CNTN4: variants seen among roughly 807,000 people sequenced by gnomAD.
CNTN4 encodes contactin-4.
CNTN4 carries 77 observed loss-of-function variants against 122.5 expected under a neutral mutation model. The observed-to-expected ratio is 0.63, with a 90% confidence interval of 0.52 to 0.76. The LOEUF is 0.76. Among genes scored for constraint, CNTN4 ranks in the 30% least tolerant of loss-of-function variants. The pLI, the probability that CNTN4 is intolerant of heterozygous loss-of-function variation, is 0.00. For synonymous variants in CNTN4, 512 were observed against 447.0 expected (o/e 1.15, Z -1.83); for missense variants, 1,256 against 1,259.1 (o/e 1.00, Z 0.04).
At chr3:2,202,835 T>TC (rs1242047238) in intron 2 of CNTN4, among the ~76,000 whole-genome samples, 2 of 151,958 alleles carry the variant, frequency 1.3e-5, no homozygotes, top group African/African-American at 4.8e-5. Flanking sequence ...ATTTTTTTTT[T>TC]CTTTTTGAGA....
In CNTN4 at chr3:2,709,338, G is replaced by C. The variant is rs570949765; in HGVS notation, c.56-26877G>C. On this transcript the variant is annotated intron_variant, in intron 4 of 24. Transcript: ENST00000418658. This position sits in a 1 kb window ranked among gnomAD's most constrained non-coding sequence, Gnocchi z 5.0. Reference sequence around the variant, plus strand: ...CTTGGCTGCATATTAGAATCATCTGGGGGTCCTTAAAAAATACTGATGCGT... The same window carrying C: ...CTTGGCTGCATATTAGAATCATCTGCGGGTCCTTAAAAAATACTGATGCGT... 6.6e-6 allele frequency among the ~76,000 whole-genome samples: 1 copy of C among 151,966 alleles called. No homozygotes were observed. The highest frequency in any genetic ancestry group is 2.4e-5 in the African/African-American group (1 of 41,360).
intron 3 of CNTN4, among the ~76,000 whole-genome samples, chr3:2,373,743 CAGAT>C (rs1204584460): frequency 6.6e-6 from 1 of 152,074 alleles, no homozygotes. Context: ...CATATTTGGA[CAGAT>C]AGATACTGTG....
intron 15 of CNTN4, among the ~76,000 whole-genome samples, chr3:3,027,852 A>G (rs17657167): frequency 0.07 from 10,712 of 152,260 alleles, 550 homozygotes; most frequent in Admixed American, 0.1. Context: ...TAATGAAGTC[A>G]AACACTGATG....
chr3:2,775,884 A>G (rs747421640), intron 6 of CNTN4, among the ~76,000 whole-genome samples: 8 of 152,206 alleles, frequency 5.3e-5, no homozygotes, highest in South Asian at 4.1e-4. Context: ...ATTCGGTGCT[A>G]TAATACCAAC....
At chr3:2,682,624 T>C (rs529979130) in intron 4 of CNTN4, among the ~76,000 whole-genome samples, 1 of 152,028 alleles carries the variant, frequency 6.6e-6, no homozygotes, top group Non-Finnish European at 1.5e-5. Flanking sequence ...AAAGTATATA[T>C]AGAAAATGGA....
At chr3:2,424,324 T>C (rs925050818) in intron 3 of CNTN4, among the ~76,000 whole-genome samples, 1 of 151,512 alleles carries the variant, frequency 6.6e-6, no homozygotes, top group African/African-American at 2.4e-5. Context: ...TGTTTGTTTT[T>C]TTGTCCTTGT....
intron 3 of CNTN4, among the ~76,000 whole-genome samples, chr3:2,435,049 A>G (rs2048211754): frequency 6.6e-6 from 1 of 152,186 alleles, no homozygotes; most frequent in Non-Finnish European, 1.5e-5. Context: ...AAATATGTGA[A>G]GCAGAGAGTT....
At chr3:2,790,558 T>C (rs531870153) in intron 6 of CNTN4, among the ~76,000 whole-genome samples, 1 of 152,290 alleles carries the variant, frequency 6.6e-6, no homozygotes, top group African/African-American at 2.4e-5. Context: ...TGCTGTGCAG[T>C]GTTCTGCTTG....
At chr3:2,536,455 C>T (rs2077809788) in intron 3 of CNTN4, among the ~76,000 whole-genome samples, 2 of 152,088 alleles carry the variant, frequency 1.3e-5, no homozygotes. Context: ...ACCTGAAAGT[C>T]ATTGCCCTAT....
intron 2 of CNTN4, among the ~76,000 whole-genome samples, chr3:2,176,473 C>G (rs1267190360): frequency 6.6e-6 from 1 of 151,852 alleles, no homozygotes; most frequent in Non-Finnish European, 1.5e-5. Context: ...GCATGGAAAA[C>G]CCATGGCTTC....
intron 3 of CNTN4, among the ~76,000 whole-genome samples, chr3:2,437,520 C>T (rs1263113388): frequency 1.3e-5 from 2 of 151,830 alleles, no homozygotes; most frequent in African/African-American, 2.4e-5. Context: ...TATTTTATTC[C>T]AGAAAACTAG....
chr3:2,412,383 C>G (rs2047256861), intron 3 of CNTN4, among the ~76,000 whole-genome samples: 1 of 152,010 alleles, frequency 6.6e-6, no homozygotes, highest in Non-Finnish European at 1.5e-5. Flanking sequence ...TCCCGAGTAG[C>G]TGGGATTACA....
intron 2 of CNTN4, among the ~76,000 whole-genome samples, chr3:2,124,268 G>A (rs1187295534): frequency 6.6e-6 from 1 of 152,054 alleles, no homozygotes; most frequent in South Asian, 2.1e-4. Flanking sequence ...ATCAACTTCC[G>A]CTGTCACTTG....
intron 6 of CNTN4, among the ~76,000 whole-genome samples, chr3:2,816,383 A>T (rs1205874803): frequency 6.6e-6 from 1 of 151,814 alleles, no homozygotes; most frequent in Non-Finnish European, 1.5e-5. Flanking sequence ...AATAAATAAA[A>T]TAAATAAAAA....
chr3:2,360,488 A>G (rs1217982487), intron 3 of CNTN4, among the ~76,000 whole-genome samples: 2 of 152,196 alleles, frequency 1.3e-5, no homozygotes, highest in African/African-American at 4.8e-5. Context: ...ACAATATTGC[A>G]TAATACTGAA....
intron 3 of CNTN4, among the ~76,000 whole-genome samples, chr3:2,339,991 A>G (rs193001830): frequency 1.9e-4 from 29 of 152,298 alleles, no homozygotes; most frequent in African/African-American, 5.8e-4. Context: ...CTCTGCCTCT[A>G]TCTTCAGTTC....
chr3:2,798,397 C>CTATCTATCTATCTATCTATA (rs1422567263), intron 6 of CNTN4, among the ~76,000 whole-genome samples: 6,206 of 147,598 alleles, frequency 0.042, 172 homozygotes, highest in Non-Finnish European at 0.054. Flanking sequence ...ATCTATATAT[C>CTATCTATCTATCTATCTATA]TATCTATCTA....
rs183351433 is a variant in CNTN4, at chr3:2,931,160, G to A, written c.1358+5381G>A. Reference sequence around the variant, plus strand: ...GATGCAGAGAGGGCAATTCCAGGTAGCAGTCTAGGAAGAAAATCACAACAC... The same window carrying A: ...GATGCAGAGAGGGCAATTCCAGGTAACAGTCTAGGAAGAAAATCACAACAC... On this transcript the variant is annotated intron_variant, in intron 13 of 24. Transcript: ENST00000418658. 9.7e-4 allele frequency among the ~76,000 whole-genome samples: 148 copies of A among 152,296 alleles called. 1 individual carries two copies. The highest frequency in any genetic ancestry group is 3.3e-3 in the African/African-American group (137 of 41,566).
At position 2,709,322 on chromosome 3, in the gene CNTN4, A is replaced by AT; in HGVS notation, c.56-26892dup. On this transcript the variant is annotated intron_variant, in intron 4 of 24. Coordinates refer to ENST00000418658, the MANE Select transcript of CNTN4 (RefSeq NM_175607.3). The surrounding 1 kb of genome is among the most constrained non-coding windows in gnomAD (Gnocchi z 5.0). ...CAGTGTGATTCTCAACCTTGGCTGCATATTAGAATCATCTGGGGGTCCTTA... is the reference window on the plus strand; with the variant it reads ...CAGTGTGATTCTCAACCTTGGCTGCATTATTAGAATCATCTGGGGGTCCTTA... 6.6e-6 allele frequency among the ~76,000 whole-genome samples: 1 copy of AT among 152,206 alleles called. No individual in the cohort carries two copies. The highest frequency in any genetic ancestry group is 1.5e-5 in the Non-Finnish European group (1 of 68,032).
Sources: gnomAD v4.1 joint callset for allele counts (sites outside exome capture counted in the v4.1 genomes callset) on GRCh38, gnomAD v4.1.1 for gene constraint, Gnocchi (gnomAD v3.1) non-coding constraint, MANE v1.5 for transcripts, NCBI Gene and HGNC (gene_info 2026-07-23, HGNC 2026-07-21) for gene names.